Variants in DTNB observed in about 807,000 individuals in gnomAD.
DTNB encodes DTN-B.
A neutral mutation model predicts 90.7 loss-of-function variants in DTNB; 63 were observed. That is an observed-to-expected ratio of 0.69 (90% CI 0.57 to 0.86). The LOEUF is 0.86. Among genes scored for constraint, DTNB ranks in the 40% least tolerant of loss-of-function variants. The pLI is 0.00. For missense variants in DTNB, 744 were observed against 807.1 expected, an observed-to-expected ratio of 0.92 and a Z score of 0.95; for synonymous variants, 277 against 286.7, an observed-to-expected ratio of 0.97 and a Z score of 0.34.
At chr2:25,483,692 T>C (rs575609804) in intron 9 of DTNB, among the ~76,000 whole-genome samples, 1 of 152,336 alleles carries the variant, frequency 6.6e-6, no homozygotes, top group African/African-American at 2.4e-5. Context: ...GTATCTTGCC[T>C]TCCAGCCATT....
At position 25,387,745 on chromosome 2, in the gene DTNB, C is replaced by A. The variant is rs150977379; in HGVS notation, c.1736-367G>T. On this transcript the variant is annotated intron_variant, in intron 17 of 20. Transcript: ENST00000406818. The surrounding 1 kb of genome is among the most constrained non-coding windows in gnomAD (Gnocchi z 4.5). ...ACCACCTCCCCTTCTCACCTCCAGC[C>A]CCAGCAGGACTTCCCTCTGAATCCC... Among the ~76,000 whole-genome samples, 2 of 152,186 alleles carry A rather than the reference C, an allele frequency of 1.3e-5. No homozygotes were observed. The highest frequency in any genetic ancestry group is 4.8e-5 in the African/African-American group (2 of 41,446).
At chr2:25,541,304 C>T (rs567237323) in intron 8 of DTNB, among the ~76,000 whole-genome samples, 9 of 151,964 alleles carry the variant, frequency 5.9e-5, no homozygotes, top group African/African-American at 1.7e-4. Context: ...CATGGTGAAA[C>T]GCTGTCTCTA....
At position 25,595,896 on chromosome 2, in the gene DTNB, TC is replaced by T. The variant is rs544550022; in HGVS notation, c.603+189del. Among the ~76,000 whole-genome samples, 90 of 72,908 alleles carry T rather than the reference TC, an allele frequency of 1.2e-3. 1 individual carries two copies. The highest frequency in any genetic ancestry group is 3.0e-4 in the Non-Finnish European group (10 of 33,664). The allele number at this position is 72,908 out of a possible 152,430, so 47.8% of individuals were successfully genotyped here. ...AAGACACCACCCCCCCACCCCCAGTTCCCCCGTAAGAGTTTTCAGGTGAATT... is the reference window on the plus strand; with the variant it reads ...AAGACACCACCCCCCCACCCCCAGTTCCCCGTAAGAGTTTTCAGGTGAATT... On this transcript the variant is annotated intron_variant, in intron 6 of 20. Coordinates refer to ENST00000406818, the MANE Select transcript of DTNB (RefSeq NM_021907.5).
At chr2:25,454,160 A>G (rs955514848) in intron 11 of DTNB, among the ~76,000 whole-genome samples, 7 of 151,934 alleles carry the variant, frequency 4.6e-5, no homozygotes, top group African/African-American at 1.7e-4. Context: ...AAAAAAAAAA[A>G]AAAAGAAAAG....
At chr2:25,448,809 G>A (rs1469962466) in intron 12 of DTNB, among the ~76,000 whole-genome samples, 2 of 147,876 alleles carry the variant, frequency 1.4e-5, no homozygotes, top group African/African-American at 5.1e-5. Context: ...AGCTGAGATC[G>A]TGCCACATTG....
intron 6 of DTNB, among the ~76,000 whole-genome samples, chr2:25,593,578 C>A (rs1019458169): frequency 6.6e-6 from 1 of 151,962 alleles, no homozygotes; most frequent in Admixed American, 6.6e-5. Context: ...TACAAAAATG[C>A]AGATTGATTT....
At chr2:25,548,025 TTA>T (rs2082802212) in intron 8 of DTNB, among the ~76,000 whole-genome samples, 1 of 152,222 alleles carries the variant, frequency 6.6e-6, no homozygotes, top group African/African-American at 2.4e-5. Flanking sequence ...ATTTCTGAAA[TTA>T]TGTTTGTACT....
chr2:25,610,961 C>T (rs181191556), intron 4 of DTNB, among the ~76,000 whole-genome samples: 4 of 152,290 alleles, frequency 2.6e-5, no homozygotes, highest in African/African-American at 7.2e-5. Context: ...CCACCCACCT[C>T]GGCCTCCCAA....
intron 9 of DTNB, among the ~76,000 whole-genome samples, chr2:25,493,143 AT>A (rs1050964943): frequency 1.3e-4 from 20 of 152,252 alleles, no homozygotes; most frequent in African/African-American, 4.8e-4. Flanking sequence ...TCTTGAGCAG[AT>A]TTTTTGGGTG....
chr2:25,444,029 G>T (rs1254079309), intron 12 of DTNB, among the ~76,000 whole-genome samples: 1 of 152,118 alleles, frequency 6.6e-6, no homozygotes. Flanking sequence ...TAAGTGTGAG[G>T]TAGCATGACA....
chr2:25,427,226 ACTTT>A (rs1467678067), intron 15 of DTNB, among the ~76,000 whole-genome samples: 3 of 106,368 alleles, frequency 2.8e-5, no homozygotes, highest in South Asian at 5.6e-4. Flanking sequence ...CACACACACT[ACTTT>A]AAGTAGTTGA....
chr2:25,611,452 A>G (rs1452897544), intron 4 of DTNB, among the ~76,000 whole-genome samples: 1 of 152,214 alleles, frequency 6.6e-6, no homozygotes, highest in Non-Finnish European at 1.5e-5. Flanking sequence ...TTCATGGGCA[A>G]TTGTTTCCAG....
chr2:25,443,803 C>G (rs925512644), intron 12 of DTNB, among the ~76,000 whole-genome samples: 1 of 152,182 alleles, frequency 6.6e-6, no homozygotes, highest in African/African-American at 2.4e-5. Context: ...GAGGCAAAGC[C>G]AAGGATCTAT....
At chr2:25,616,850 T>C (rs1363058014) in intron 4 of DTNB, among the ~76,000 whole-genome samples, 1 of 138,638 alleles carries the variant, frequency 7.2e-6, no homozygotes, top group Non-Finnish European at 1.5e-5. Context: ...GAGAATGGCG[T>C]GAACCCAGGA....
At chr2:25,378,181 G>T (rs1388949614) in intron 20 of DTNB, among the ~76,000 whole-genome samples, 1 of 152,330 alleles carries the variant, frequency 6.6e-6, no homozygotes, top group East Asian at 1.9e-4. Flanking sequence ...CCTGCAGGGC[G>T]AGTCAGTTCC....
At chr2:25,597,553 G>A (rs1174463666) in intron 5 of DTNB, among the ~76,000 whole-genome samples, 2 of 151,938 alleles carry the variant, frequency 1.3e-5, no homozygotes, top group Non-Finnish European at 2.9e-5. Context: ...TGATCCACAG[G>A]GCAATTTTTA....
chr2:25,379,522 G>GCAGCCATGGAGA, intron 19 of DTNB, 199 bp from the exon 20 acceptor site: 1 of 514,474 alleles, frequency 1.9e-6, no homozygotes, highest in Non-Finnish European at 3.0e-6. Flanking sequence ...CCAACCCGAG[G>GCAGCCATGGAGA]CAGCCATGGA....
At chr2:25,452,738 GTT>G (rs946606676) in intron 11 of DTNB, among the ~76,000 whole-genome samples, 1 of 144,232 alleles carries the variant, frequency 6.9e-6, no homozygotes. Flanking sequence ...ATTTTTTCTA[GTT>G]TTTTTTTTTT....
intron 9 of DTNB, among the ~76,000 whole-genome samples, chr2:25,495,215 G>A (rs2068548208): frequency 6.6e-6 from 1 of 152,060 alleles, no homozygotes; most frequent in Non-Finnish European, 1.5e-5. Flanking sequence ...ACAGGCACAT[G>A]CCACCACACC....
Sources: allele counts gnomAD v4.1 joint callset (sites outside exome capture counted in the v4.1 genomes callset), GRCh38; gene constraint gnomAD v4.1.1; non-coding constraint Gnocchi (gnomAD v3.1); transcripts MANE v1.5; gene names NCBI Gene and HGNC (gene_info 2026-07-23, HGNC 2026-07-21).